PDE4DIP: variants seen among roughly 807,000 people sequenced by gnomAD.
PDE4DIP encodes the protein phosphodiesterase 4D interacting protein.
Under a neutral mutation model 221.4 loss-of-function variants are expected in PDE4DIP, and 59 were observed. The ratio of observed to expected loss-of-function variants is 0.27; its 90% CI spans 0.22 to 0.33. PDE4DIP has a LOEUF of 0.33. Ranked by LOEUF, PDE4DIP falls within the 10% of genes least tolerant of loss-of-function variation. The pLI is 1.00. For missense variants in PDE4DIP, 1,036 were observed against 2,154.2 expected (o/e 0.48, Z 10.28); for synonymous variants, 404 against 815.9 (o/e 0.50, Z 8.60).
intron 1 of PDE4DIP, among the ~76,000 whole-genome samples, chr1:148,859,607 A>G (rs1683135465): frequency 6.6e-6 from 1 of 151,792 alleles, no homozygotes; most frequent in Non-Finnish European, 1.5e-5. Context: ...GAGAAAGATT[A>G]TATATGGAAA....
intron 43 of PDE4DIP, chr1:149,030,711 T>C (rs1287189157): frequency 2.0e-6 from 2 of 984,640 alleles, no homozygotes; most frequent in Admixed American, 6.2e-5. Context: ...ATAAACTGAT[T>C]TCACTGCACA....
At chr1:148,951,249 T>C (rs1259405926) in intron 5 of PDE4DIP, among the ~76,000 whole-genome samples, 2 of 149,126 alleles carry the variant, frequency 1.3e-5, no homozygotes, top group African/African-American at 5.0e-5. Flanking sequence ...GGAAATGTCC[T>C]GCTCTAGGGG....
At chr1:148,821,044 G>A (rs1438676955) in intron 1 of PDE4DIP, among the ~76,000 whole-genome samples, 1 of 149,968 alleles carries the variant, frequency 6.7e-6, no homozygotes, top group Admixed American at 6.6e-5. Context: ...GTAGAGACGG[G>A]GTTTCACCGT....
intron 4 of PDE4DIP, among the ~76,000 whole-genome samples, chr1:148,934,326 A>T (rs1553473310): frequency 6.6e-6 from 1 of 152,074 alleles, no homozygotes; most frequent in Admixed American, 6.5e-5. Flanking sequence ...ATTAAAAAAA[A>T]CTGAACTAAA....
intron 1 of PDE4DIP, among the ~76,000 whole-genome samples, chr1:148,820,952 C>T (rs1327680015): frequency 6.7e-6 from 1 of 149,578 alleles, no homozygotes; most frequent in Non-Finnish European, 1.5e-5. Flanking sequence ...CTGGGGTTCA[C>T]GCCATTGTCT....
chr1:149,030,649 G>A, intron 43 of PDE4DIP: 1 of 809,336 alleles, frequency 1.2e-6, no homozygotes, highest in Non-Finnish European at 1.5e-6. Context: ...GGATCTTGAG[G>A]CCAGTTATGT....
intron 2 of PDE4DIP, among the ~76,000 whole-genome samples, chr1:148,864,356 C>A (rs1236709788): frequency 7.1e-6 from 1 of 140,632 alleles, no homozygotes; most frequent in Non-Finnish European, 1.6e-5. Context: ...AAGGAATAAG[C>A]ACTCTGTATC....
chr1:148,980,979 T>G (rs2060979812), intron 20 of PDE4DIP, among the ~76,000 whole-genome samples: 1 of 152,224 alleles, frequency 6.6e-6, no homozygotes, highest in African/African-American at 2.4e-5. Context: ...ATTTCTCTTG[T>G]TTGGGCTATA....
intron 1 of PDE4DIP, among the ~76,000 whole-genome samples, chr1:148,836,246 A>G (rs1553373482): frequency 6.6e-6 from 1 of 152,182 alleles, no homozygotes; most frequent in East Asian, 1.9e-4. Flanking sequence ...TGCACGGGAT[A>G]TAATCTCCTG....
intron 5 of PDE4DIP, chr1:148,941,965 CCTCA>C (rs1375772389): frequency 2.6e-5 from 4 of 152,234 alleles, no homozygotes; most frequent in Non-Finnish European, 5.9e-5. Context: ...CCCTGGAATC[CCTCA>C]CTGATTCAGC....
intron 1 of PDE4DIP, among the ~76,000 whole-genome samples, chr1:148,907,082 T>C (rs1420997103): frequency 1.3e-5 from 2 of 150,376 alleles, no homozygotes; most frequent in Non-Finnish European, 2.9e-5. Flanking sequence ...AAACAATAGT[T>C]ACTTCTGCTT....
chr1:148,952,066 G>A (rs1558938316), intron 5 of PDE4DIP: 6 of 990,472 alleles, frequency 6.1e-6, no homozygotes, highest in Non-Finnish European at 7.3e-6. Context: ...AATGCAGGGA[G>A]GGGATTCGTC....
intron 1 of PDE4DIP, among the ~76,000 whole-genome samples, chr1:148,919,275 A>G (rs2044861596): frequency 6.6e-6 from 1 of 151,438 alleles, no homozygotes; most frequent in Admixed American, 6.6e-5. Context: ...TATCATTCTT[A>G]TGGGCAAGAA....
intron 1 of PDE4DIP, among the ~76,000 whole-genome samples, chr1:148,821,061 C>T (rs1196046184): frequency 1.3e-5 from 2 of 149,902 alleles, no homozygotes; most frequent in Non-Finnish European, 2.9e-5. Context: ...CCGTGTTAGC[C>T]AGGATGGTCT....
intron 43 of PDE4DIP, 143 bp from the exon 47 acceptor site, chr1:149,031,801 G>C (rs78482352): frequency 1.3e-6 from 1 of 749,010 alleles, no homozygotes; most frequent in Non-Finnish European, 2.3e-6. Context: ...AGACTGCAGC[G>C]CATGCTCTTA....
At chr1:148,946,070 C>G (rs1205886172) in intron 5 of PDE4DIP, among the ~76,000 whole-genome samples, 2 of 152,186 alleles carry the variant, frequency 1.3e-5, no homozygotes, top group African/African-American at 4.8e-5. Context: ...CTCCTCTTCG[C>G]TGACTTCAAA....
intron 14 of PDE4DIP, among the ~76,000 whole-genome samples, chr1:148,970,811 A>T (rs2059074480): frequency 6.6e-6 from 1 of 152,078 alleles, no homozygotes; most frequent in African/African-American, 2.4e-5. Context: ...TATTTTTATT[A>T]AGGTACTTTA....
At chr1:148,977,557 AG>A (rs1238168765) in intron 17 of PDE4DIP, among the ~76,000 whole-genome samples, 1 of 147,252 alleles carries the variant, frequency 6.8e-6, no homozygotes, top group African/African-American at 2.5e-5. Flanking sequence ...TAATTCATTA[AG>A]GGTTGCAAAA....
At chr1:149,001,072 G>A (rs587733154) in intron 23 of PDE4DIP, among the ~76,000 whole-genome samples, 33 of 152,186 alleles carry the variant, frequency 2.2e-4, no homozygotes, top group Non-Finnish European at 4.1e-4. Context: ...TCTCTATCAC[G>A]TGAGCCAGAC....
Sources: gnomAD v4.1 joint callset for allele counts (sites outside exome capture counted in the v4.1 genomes callset) on GRCh38, gnomAD v4.1.1 for gene constraint, MANE v1.5 for transcripts, NCBI Gene and HGNC (gene_info 2026-07-23, HGNC 2026-07-21) for gene names.